Variants in SLCO6A1 observed in about 807,000 individuals in gnomAD.
SLCO6A1 encodes cancer/testis antigen 48.
Under a neutral mutation model 72.7 loss-of-function variants are expected in SLCO6A1, and 65 were observed. That is an observed-to-expected ratio of 0.89 (90% CI 0.73 to 1.10). The LOEUF (loss-of-function observed/expected upper bound fraction) is 1.10, where lower values mean the gene tolerates loss of function less well. Among genes scored for constraint, SLCO6A1 ranks in the 50% least tolerant of loss-of-function variants. The pLI is 0.00. For missense variants in SLCO6A1, 874 were observed against 872.6 expected (o/e 1.00, Z -0.02); for synonymous variants, 314 against 298.2 (o/e 1.05, Z -0.55).
At chr5:102,433,053 GATCT>G (rs1465614215) in intron 7 of SLCO6A1, among the ~76,000 whole-genome samples, 1 of 152,206 alleles carries the variant, frequency 6.6e-6, no homozygotes, top group East Asian at 1.9e-4. Context: ...TCTTCAGCTT[GATCT>G]ATCCTGCTGT....
chr5:102,470,794 A>G (rs991304968), intron 4 of SLCO6A1, among the ~76,000 whole-genome samples: 1 of 152,028 alleles, frequency 6.6e-6, no homozygotes, highest in Non-Finnish European at 1.5e-5. Flanking sequence ...GAGCATCTCT[A>G]AAGAGTCCTA....
chr5:102,396,657 TA>T (rs1445722567), intron 10 of SLCO6A1, among the ~76,000 whole-genome samples: 1 of 152,142 alleles, frequency 6.6e-6, no homozygotes, highest in African/African-American at 2.4e-5. Context: ...TTTGAGTGTG[TA>T]GGGGGTGGGT....
chr5:102,391,161 CT>C, intron 10 of SLCO6A1, 116 bp from the exon 11 acceptor site: 2 of 942,872 alleles, frequency 2.1e-6, no homozygotes, highest in South Asian at 3.0e-5. Context: ...TACTAAGAAT[CT>C]TTAGCCAATT....
At chr5:102,384,473 C>T (rs1348319593) in intron 12 of SLCO6A1, among the ~76,000 whole-genome samples, 6 of 151,806 alleles carry the variant, frequency 4.0e-5, no homozygotes, top group Non-Finnish European at 4.4e-5. Flanking sequence ...TGGCAGTACG[C>T]TTTTCTAAAT....
At chr5:102,491,897 G>C (rs997321360) in intron 1 of SLCO6A1, among the ~76,000 whole-genome samples, 1 of 152,268 alleles carries the variant, frequency 6.6e-6, no homozygotes, top group African/African-American at 2.4e-5. Context: ...CTGCCAGCAC[G>C]CTGTCACCTC....
intron 1 of SLCO6A1, among the ~76,000 whole-genome samples, chr5:102,481,223 A>G (rs1752175347): frequency 2.4e-5 from 2 of 81,984 alleles, no homozygotes; most frequent in Admixed American, 3.8e-4. Flanking sequence ...TAGAACTGCA[A>G]TCACTACATT....
At chr5:102,388,165 A>AT (rs1312822734) in intron 12 of SLCO6A1, among the ~76,000 whole-genome samples, 1 of 152,058 alleles carries the variant, frequency 6.6e-6, no homozygotes, top group Non-Finnish European at 1.5e-5. Context: ...AGGTCAAGAA[A>AT]TTTTTTTGTA....
chr5:102,451,073 C>T (rs1259423885), intron 6 of SLCO6A1, among the ~76,000 whole-genome samples: 1 of 152,038 alleles, frequency 6.6e-6, no homozygotes, highest in Non-Finnish European at 1.5e-5. Context: ...GAGGCCCTGC[C>T]CAGTGAGGAG....
intron 10 of SLCO6A1, among the ~76,000 whole-genome samples, chr5:102,392,415 G>C (rs970136136): frequency 7.9e-5 from 12 of 151,926 alleles, no homozygotes; most frequent in Admixed American, 6.6e-4. Flanking sequence ...TTATAATTCA[G>C]TGTTCTCCTT....
chr5:102,492,940 T>G (rs1042216898), intron 1 of SLCO6A1, among the ~76,000 whole-genome samples: 1 of 152,186 alleles, frequency 6.6e-6, no homozygotes, highest in African/African-American at 2.4e-5. Context: ...TGCCTGCCTC[T>G]GTAGACTCCA....
chr5:102,495,917 A>T (rs571493602), intron 1 of SLCO6A1, among the ~76,000 whole-genome samples: 1 of 152,334 alleles, frequency 6.6e-6, no homozygotes, highest in Admixed American at 6.5e-5. Flanking sequence ...AGAAGAAAGT[A>T]TGAGGAAGTG....
chr5:102,429,361 G>A (rs754077506), intron 7 of SLCO6A1, among the ~76,000 whole-genome samples: 2 of 152,100 alleles, frequency 1.3e-5, no homozygotes, highest in African/African-American at 2.4e-5. Flanking sequence ...TGGAGTCTAC[G>A]TCCTAAAATC....
chr5:102,498,820 A>G lies in SLCO6A1; in HGVS notation c.25T>C (p.Ser9Pro), dbSNP rs2112884022. 2 of 1,612,002 alleles carry G rather than the reference A, an allele frequency of 1.2e-6. No homozygotes were observed. The change falls in exon 1 of 14, where the codon TCT becomes CCT. Residue 9 changes from serine to proline, a missense_variant. Ser to Pro is a moderately conservative substitution (Grantham distance 74). Transcript: ENST00000506729. The stretch of plus-strand genomic sequence containing the variant: ...CTTGAGACTTCATCCTGGCTCCCAG[A>G]GTGCCGGGCGACGCCTACGAACATG... MFVGVARH[S>P]GSQDEVSRGV... is the part of the protein sequence containing the mutation.
intron 9 of SLCO6A1, 120 bp from the exon 10 acceptor site, chr5:102,399,862 T>C (rs1195867985): frequency 1.6e-6 from 1 of 631,480 alleles, no homozygotes; most frequent in Non-Finnish European, 2.5e-6. Context: ...TATTTCAAAA[T>C]GTCTTTATAT....
At chr5:102,475,960 T>C (rs993638757) in intron 3 of SLCO6A1, among the ~76,000 whole-genome samples, 167 bp from the exon 4 acceptor site, 3 of 152,046 alleles carry the variant, frequency 2.0e-5, no homozygotes, top group Non-Finnish European at 2.9e-5. Context: ...AAAACAGTAA[T>C]GGAAAACCAA....
At chr5:102,461,878 C>A (rs1751057678) in intron 4 of SLCO6A1, among the ~76,000 whole-genome samples, 1 of 151,846 alleles carries the variant, frequency 6.6e-6, no homozygotes, top group Non-Finnish European at 1.5e-5. Flanking sequence ...CTAGCCAGAG[C>A]AATTAAACAA....
At chr5:102,403,218 A>G (rs1381938150) in intron 9 of SLCO6A1, among the ~76,000 whole-genome samples, 1 of 152,194 alleles carries the variant, frequency 6.6e-6, no homozygotes, top group African/African-American at 2.4e-5. Context: ...TTTGGATAAA[A>G]GCTTGTGAGC....
At chr5:102,425,018 C>G (rs960543527) in intron 7 of SLCO6A1, among the ~76,000 whole-genome samples, 2 of 152,102 alleles carry the variant, frequency 1.3e-5, no homozygotes, top group Non-Finnish European at 2.9e-5. Context: ...ATGACAAAAA[C>G]CACATGATTA....
At chr5:102,484,457 T>C (rs1394841144) in intron 1 of SLCO6A1, among the ~76,000 whole-genome samples, 1 of 152,132 alleles carries the variant, frequency 6.6e-6, no homozygotes, top group Non-Finnish European at 1.5e-5. Context: ...TAAACCAGCC[T>C]GACCAACATG....
Sources: allele counts gnomAD v4.1 joint callset (sites outside exome capture counted in the v4.1 genomes callset), GRCh38; gene constraint gnomAD v4.1.1; transcripts MANE v1.5; gene names NCBI Gene and HGNC (gene_info 2026-07-23, HGNC 2026-07-21).